RCC1: variants seen among roughly 807,000 people sequenced by gnomAD.
RCC1 encodes the protein regulator of chromosome condensation.
In RCC1, 11 loss-of-function variants were observed where a neutral mutation model predicts 44.4. The ratio of observed to expected loss-of-function variants is 0.25; its 90% CI spans 0.16 to 0.41. The LOEUF (loss-of-function observed/expected upper bound fraction) is 0.41, where lower values mean the gene tolerates loss of function less well. Ranked by LOEUF, RCC1 falls within the 10% of genes least tolerant of loss-of-function variation. RCC1 has a pLI of 1.00. For synonymous variants in RCC1, 213 were observed against 216.5 expected (o/e 0.98, Z 0.14); for missense variants, 386 against 547.1 (o/e 0.71, Z 2.94).
At chr1:28,519,412 C>T (rs1263538850) in intron 4 of RCC1, among the ~76,000 whole-genome samples, 4 of 152,046 alleles carry the variant, frequency 2.6e-5, no homozygotes, top group Non-Finnish European at 5.9e-5. Flanking sequence ...TAGGAGTTCA[C>T]GAGGCTCCTG....
intron 2 of RCC1, 76 bp from the exon 3 acceptor site, chr1:28,508,754 G>C (rs1358222607): frequency 1.9e-6 from 1 of 514,136 alleles, no homozygotes. Context: ...AACCATGCAG[G>C]AAACATATCT....
At position 28,537,815 on chromosome 1, in the gene RCC1, A is replaced by G. The variant is rs1432667722; in HGVS notation, c.1091-17A>G. On this transcript the variant is annotated splice_polypyrimidine_tract_variant and intron_variant, in intron 12 of 12. Coordinates refer to ENST00000683442, the MANE Select transcript of RCC1 (RefSeq NM_001381865.2). Reference sequence around the variant, plus strand: ...GGGGATCCTGGAGACAGCTGTACCCATTTCTCTCTCTTGCAGGTCGTGTTT... The same window carrying G: ...GGGGATCCTGGAGACAGCTGTACCCGTTTCTCTCTCTTGCAGGTCGTGTTT... 6.2e-7 allele frequency: 1 copy of G among 1,606,534 alleles called. No homozygotes were observed. Among genetic ancestry groups the G allele is most frequent in the African/African-American group, 1.3e-5 (1 of 74,674 alleles).
At chr1:28,519,190 G>T (rs1663118785) in intron 4 of RCC1, among the ~76,000 whole-genome samples, 1 of 152,110 alleles carries the variant, frequency 6.6e-6, no homozygotes, top group Non-Finnish European at 1.5e-5. Flanking sequence ...ACAGGCAGAG[G>T]GATTGCACGT....
At position 28,528,248 on chromosome 1, in the gene RCC1, G is replaced by C. The variant is rs148530245; in HGVS notation, c.-9-1610G>C. Among the ~76,000 whole-genome samples, 566 of 152,240 alleles carry C rather than the reference G, an allele frequency of 3.7e-3. 3 individuals carry two copies. Among genetic ancestry groups the C allele is most frequent in the Middle Eastern group, 6.8e-3 (2 of 294 alleles). On this transcript the variant is annotated intron_variant, in intron 4 of 12. Transcript: ENST00000683442. The stretch of plus-strand genomic sequence containing the variant: ...AGGCGGGGTGGATCACTGAGATCAG[G>C]AGTTCGAGACCAGCCTGGCCAAACT...
chr1:28,519,975 G>A (rs1304378740), intron 4 of RCC1, among the ~76,000 whole-genome samples: 1 of 151,708 alleles, frequency 6.6e-6, no homozygotes, highest in Admixed American at 6.6e-5. Flanking sequence ...GGGTTCAAGC[G>A]ATTCTCCTGT....
At position 28,529,880 on chromosome 1, in the gene RCC1, G is replaced by A. The variant is rs745907798; in HGVS notation, c.14G>A (p.Arg5His). The change falls in exon 5 of 13, where the codon CGC (arginine) becomes CAC (histidine). Residue 5 changes from arginine (R) to histidine (H), a missense_variant. Coordinates refer to ENST00000683442, the MANE Select transcript of RCC1 (RefSeq NM_001381865.2). ...CAGGACAGGAAGATGTCACCCAAGCGCATAGCTAAAAGAAGGTCCCCCCCA... is the reference window on the plus strand; with the variant it reads ...CAGGACAGGAAGATGTCACCCAAGCACATAGCTAAAAGAAGGTCCCCCCCA... MSPKRIAKRRSPPAD... is the reference protein window; with the variant it reads MSPKHIAKRRSPPAD... 5 of 1,613,978 alleles carry A rather than the reference G, an allele frequency of 3.1e-6. No homozygotes were observed. The highest frequency in any genetic ancestry group is 3.4e-6 in the Non-Finnish European group (4 of 1,179,950).
chr1:28,507,788 G>T (rs1179911527), intron 1 of RCC1: 1 of 342,196 alleles, frequency 2.9e-6, no homozygotes, highest in Non-Finnish European at 5.7e-6. Context: ...TGTATTTTTA[G>T]TAAAGACAGG....
At chr1:28,535,826 T>C (rs765008774) in intron 9 of RCC1, 45 bp from the exon 10 acceptor site, 5 of 1,585,812 alleles carry the variant, frequency 3.2e-6, no homozygotes, top group Non-Finnish European at 4.3e-6. Context: ...AGAGAAGCCA[T>C]GTGTGTCTGT....
chr1:28,538,148 G>A lies in RCC1; in HGVS notation c.*141G>A. On this transcript the variant is annotated 3_prime_UTR_variant, in exon 13 of 13. Coordinates refer to ENST00000683442, the MANE Select transcript of RCC1 (RefSeq NM_001381865.2). ...CCTGCCTTTTCTCATCAGCAGAACA[G>A]AATCCTTTTCCTCTTTTCCTTCCTC... The A allele has an allele frequency of 1.4e-6, 1 of 702,006 alleles. No individual in the cohort carries two copies. Among genetic ancestry groups the A allele is most frequent in the East Asian group, 2.9e-5 (1 of 34,730 alleles). 43.5% of individuals were successfully genotyped at this position (702,006 alleles called of 1,614,324 possible). A position where few individuals can be genotyped will look rare whatever the true frequency, so the allele number is the denominator to read the frequency against.
chr1:28,506,144 G>C (rs1661898926), intron 1 of RCC1, 60 bp downstream of exon 1: 7 of 451,604 alleles, frequency 1.6e-5, no homozygotes, highest in Non-Finnish European at 2.7e-5. Flanking sequence ...TGGGTCTAAT[G>C]CTATAGATCA....
At chr1:28,509,021 T>C in intron 3 of RCC1, 116 bp downstream of exon 3, 1 of 400,360 alleles carries the variant, frequency 2.5e-6, no homozygotes, top group South Asian at 1.8e-5. Context: ...TCGCCCAGGC[T>C]GTAGTGCAGT....
intron 1 of RCC1, chr1:28,507,333 G>A (rs765928285): frequency 9.7e-6 from 5 of 516,022 alleles, no homozygotes; most frequent in Non-Finnish European, 1.9e-5. Context: ...GTTTCCTATT[G>A]GATTCTGTAA....
chr1:28,533,427 C>T (rs150401733), intron 7 of RCC1, among the ~76,000 whole-genome samples: 3,950 of 146,008 alleles, frequency 0.027, 80 homozygotes, highest in Non-Finnish European at 0.029. Flanking sequence ...GCCAAGATCG[C>T]GCCACTGCAC....
chr1:28,516,566 G>A (rs1662909120), intron 3 of RCC1, among the ~76,000 whole-genome samples, 159 bp from the exon 4 acceptor site: 1 of 151,544 alleles, frequency 6.6e-6, no homozygotes, highest in South Asian at 2.1e-4. Context: ...CAGAAAACTT[G>A]CTTTACCTCT....
In RCC1 at chr1:28,506,481, G is replaced by C. The variant is rs780219314; in HGVS notation, c.-262+397G>C. ...ATTACAGGCGTGAGCCACCGCGCCT[G>C]GCCGGAAATCATGTAATTTAAAACT... On this transcript the variant is annotated intron_variant, in intron 1 of 12. Transcript: ENST00000683442. 8.2e-5 allele frequency: 26 copies of C among 318,286 alleles called. No homozygotes were observed. In the Admixed American group the frequency reaches 1.1e-3, roughly 13 times the overall value. 19.7% of individuals were successfully genotyped at this position (318,286 alleles called of 1,614,324 possible). A position where few individuals can be genotyped will look rare whatever the true frequency, so the allele number is the denominator to read the frequency against.
intron 4 of RCC1, chr1:28,526,863 C>G (rs927042716): frequency 3.0e-6 from 2 of 663,442 alleles, no homozygotes; most frequent in Non-Finnish European, 5.4e-6. Flanking sequence ...TGCCACTGCA[C>G]TCCAGCCTGG....
chr1:28,520,829 G>A (rs1663222492), intron 4 of RCC1, among the ~76,000 whole-genome samples: 1 of 152,160 alleles, frequency 6.6e-6, no homozygotes, highest in African/African-American at 2.4e-5. Context: ...TGTAACCCCA[G>A]CAATTTGGGA....
chr1:28,529,963 TGGGTACA>T lies in RCC1; in HGVS notation c.73+27_73+33del, dbSNP rs768448626. On this transcript the variant is annotated intron_variant, in intron 5 of 12. Transcript: ENST00000683442. ...GGGTAAGTTGGCCTTGGCCTCTTTG[TGGGTACA>T]GGTGGCCCCTTGAAACCCTAAGAAC... The T allele has an allele frequency of 5.7e-6, 9 of 1,591,248 alleles. No individual in the cohort carries two copies. In the South Asian group the frequency reaches 1.0e-4, roughly 18 times the overall value.
At position 28,529,731 on chromosome 1, in the gene RCC1, C is replaced by T. The variant is rs1458141092; in HGVS notation, c.-9-127C>T. 4.3e-6 allele frequency: 3 copies of T among 698,474 alleles called. No homozygotes were observed. The East Asian group carries it at 8.2e-5, about 19-fold the overall frequency. The allele number at this position is 698,474 out of a possible 1,614,324, so 43.3% of individuals were successfully genotyped here. On this transcript the variant is annotated intron_variant, in intron 4 of 12. Coordinates refer to ENST00000683442, the MANE Select transcript of RCC1 (RefSeq NM_001381865.2). ...CATCCATTATTCTGTTCTTGGGATA[C>T]ATTTTGAGAAGTGGAATTGTTGGGC...
Sources: allele counts gnomAD v4.1 joint callset (sites outside exome capture counted in the v4.1 genomes callset), GRCh38; gene constraint gnomAD v4.1.1; transcripts MANE v1.5; gene names NCBI Gene and HGNC (gene_info 2026-07-23, HGNC 2026-07-21).